The following RANBP2 variants were observed in gnomAD, a reference collection of about 807,000 sequenced individuals.
The protein encoded by RANBP2 is E3 SUMO-protein ligase RanBP2.
Under a neutral mutation model 303.6 loss-of-function variants are expected in RANBP2, and 57 were observed. The ratio of observed to expected loss-of-function variants is 0.19; its 90% CI spans 0.15 to 0.23. RANBP2 has a LOEUF of 0.23. Ranked by LOEUF, RANBP2 falls within the 10% of genes least tolerant of loss-of-function variation. RANBP2 has a pLI of 1.00. For missense variants in RANBP2, 3,138 were observed against 3,780.8 expected (o/e 0.83, Z 4.46); for synonymous variants, 1,167 against 1,301.5 (o/e 0.90, Z 2.23).
At chr2:109,564,542 A>C in the RANBP2 span, 1 of 1,477,378 alleles carries the variant, frequency 6.8e-7, no homozygotes. Context: ...CCACTAGCCA[A>C]AAAAAAATAA....
chr2:108,757,942 G>A (rs909131052), intron 17 of RANBP2, among the ~76,000 whole-genome samples: 15 of 152,136 alleles, frequency 9.9e-5, no homozygotes, highest in African/African-American at 3.6e-4. Context: ...AACAAATTAA[G>A]AATCATATTT....
the RANBP2 span, among the ~76,000 whole-genome samples, chr2:109,216,253 T>C: frequency 0.17 from 25,698 of 152,150 alleles, 4,404 homozygotes; most frequent in African/African-American, 0.43. Flanking sequence ...CTAACTACTT[T>C]CTCTCTGGCC....
the RANBP2 span, among the ~76,000 whole-genome samples, chr2:109,367,119 ATTTTTTTTTTT>A: frequency 8.8e-6 from 1 of 113,292 alleles, no homozygotes; most frequent in African/African-American, 3.5e-5. Flanking sequence ...TGCCCTGGTA[ATTTTTTTTTTT>A]TTTTTTTTTT....
the RANBP2 span, among the ~76,000 whole-genome samples, chr2:109,240,085 T>C: frequency 1.3e-5 from 2 of 152,198 alleles, no homozygotes; most frequent in Non-Finnish European, 2.9e-5. Context: ...GAGTGAAGGC[T>C]GTTGTATTGC....
chr2:108,826,723 T>TG, the RANBP2 span, among the ~76,000 whole-genome samples: 2 of 152,186 alleles, frequency 1.3e-5, no homozygotes, highest in Admixed American at 6.5e-5. Flanking sequence ...ATATATGTTC[T>TG]GGGTCAATGG....
chr2:109,445,405 G>A, the RANBP2 span, among the ~76,000 whole-genome samples: 1 of 152,058 alleles, frequency 6.6e-6, no homozygotes, highest in African/African-American at 2.4e-5. Context: ...AAGCATCAAA[G>A]GATAAGGAAA....
the RANBP2 span, among the ~76,000 whole-genome samples, chr2:109,579,240 C>T: frequency 7.2e-5 from 11 of 152,068 alleles, no homozygotes; most frequent in Admixed American, 5.2e-4. Flanking sequence ...AAAGTAAAAC[C>T]AACTCTGAAT....
At chr2:109,397,055 GC>G in the RANBP2 span, among the ~76,000 whole-genome samples, 1 of 152,322 alleles carries the variant, frequency 6.6e-6, no homozygotes, top group South Asian at 2.1e-4. Context: ...TGGCCTAGGT[GC>G]CTCTGTGGTG....
the RANBP2 span, among the ~76,000 whole-genome samples, chr2:109,493,243 G>A: frequency 5.5e-5 from 8 of 144,532 alleles, no homozygotes; most frequent in East Asian, 4.2e-4. Context: ...ATATACACAC[G>A]CACCACACAC....
the RANBP2 span, among the ~76,000 whole-genome samples, chr2:109,567,202 T>C: frequency 3.9e-5 from 6 of 152,176 alleles, no homozygotes; most frequent in Admixed American, 1.3e-4. Context: ...TTTGTAGATA[T>C]GTTAAGTCTC....
At chr2:109,596,258 GCATAT>G in the RANBP2 span, among the ~76,000 whole-genome samples, 1 of 152,104 alleles carries the variant, frequency 6.6e-6, no homozygotes, top group African/African-American at 2.4e-5. Flanking sequence ...TATAATGATA[GCATAT>G]CATGAGTTTT....
chr2:109,238,089 C>G, the RANBP2 span, among the ~76,000 whole-genome samples: 1 of 152,018 alleles, frequency 6.6e-6, no homozygotes. Flanking sequence ...GCCTGTAATC[C>G]CAGGTGGAGC....
chr2:108,741,195 A>T (rs4012071), intron 7 of RANBP2, among the ~76,000 whole-genome samples: 39,461 of 151,600 alleles, frequency 0.26, 5,527 homozygotes, highest in African/African-American at 0.36. Context: ...CCTTTTCTTA[A>T]TTTTTATTTT....
chr2:108,738,526 T>C (rs899670993), intron 6 of RANBP2, among the ~76,000 whole-genome samples: 1 of 151,974 alleles, frequency 6.6e-6, no homozygotes. Context: ...CACCCGGCTG[T>C]ATGTGGGTTA....
the RANBP2 span, among the ~76,000 whole-genome samples, chr2:109,005,558 T>G: frequency 6.6e-6 from 1 of 152,246 alleles, no homozygotes; most frequent in Non-Finnish European, 1.5e-5. Context: ...TCCTGGGCAG[T>G]CGCAGTGTGC....
chr2:109,675,761 CCTTT>C, the RANBP2 span, among the ~76,000 whole-genome samples: 1 of 152,198 alleles, frequency 6.6e-6, no homozygotes, highest in Non-Finnish European at 1.5e-5. Context: ...CTCCTTCCTT[CCTTT>C]GCCTTTCTCG....
chr2:108,803,159 A>G, the RANBP2 span, among the ~76,000 whole-genome samples: 12 of 152,180 alleles, frequency 7.9e-5, no homozygotes, highest in African/African-American at 2.9e-4. Flanking sequence ...GTTAGCCAAG[A>G]CTTAGGTAAT....
chr2:109,452,571 C>T, the RANBP2 span, among the ~76,000 whole-genome samples: 89 of 152,272 alleles, frequency 5.8e-4, 1 homozygote, highest in South Asian at 1.9e-3. Flanking sequence ...AGCTCCTGGG[C>T]GCCGTAGAGT....
the RANBP2 span, chr2:109,398,961 A>G: frequency 1.9e-5 from 31 of 1,599,186 alleles, no homozygotes; most frequent in African/African-American, 2.7e-4. Flanking sequence ...CCCGCGGGCC[A>G]GGGCAGGCAT....
Sources: gnomAD v4.1 joint callset for allele counts (sites outside exome capture counted in the v4.1 genomes callset) on GRCh38, gnomAD v4.1.1 for gene constraint, MANE v1.5 for transcripts, NCBI Gene and HGNC (gene_info 2026-07-23, HGNC 2026-07-21) for gene names.